Variants in ACYP2 observed in about 807,000 individuals in gnomAD.
ACYP2 encodes acylphosphatase-2.
A neutral mutation model predicts 11.2 loss-of-function variants in ACYP2; 12 were observed. The ratio of observed to expected loss-of-function variants is 1.08; its 90% CI spans 0.69 to 1.74. The LOEUF is 1.74. Ranked by LOEUF, ACYP2 falls within the 40% of genes most tolerant of loss-of-function variation. The pLI is 0.00. For missense variants in ACYP2, 134 were observed against 101.9 expected (o/e 1.31, Z -1.35); for synonymous variants, 43 against 32.2 (o/e 1.33, Z -1.13).
At chr2:54,053,649 G>T (rs536063808) in intron 3 of ACYP2, among the ~76,000 whole-genome samples, 23 of 152,282 alleles carry the variant, frequency 1.5e-4, no homozygotes, top group African/African-American at 5.5e-4. Flanking sequence ...TGCAACTTAG[G>T]AACTCCTCTG....
At chr2:54,209,993 T>C (rs1052586516) in intron 6 of ACYP2, among the ~76,000 whole-genome samples, 9 of 151,906 alleles carry the variant, frequency 5.9e-5, no homozygotes, top group Admixed American at 3.9e-4. Context: ...ATACAAAAAT[T>C]AGCTGGGCAT....
intron 6 of ACYP2, among the ~76,000 whole-genome samples, chr2:54,244,496 G>A (rs920932304): frequency 6.6e-6 from 1 of 152,068 alleles, no homozygotes; most frequent in Non-Finnish European, 1.5e-5. Flanking sequence ...CAAAGTGCTG[G>A]GATTACAGTG....
chr2:53,983,651 C>A (rs1671874146), intron 2 of ACYP2, among the ~76,000 whole-genome samples: 1 of 152,094 alleles, frequency 6.6e-6, no homozygotes. Flanking sequence ...TCACGTAGTA[C>A]CTTGTAAATT....
At chr2:54,252,779 C>T (rs2104013374) in intron 6 of ACYP2, among the ~76,000 whole-genome samples, 1 of 152,226 alleles carries the variant, frequency 6.6e-6, no homozygotes, top group African/African-American at 2.4e-5. Flanking sequence ...TTGCGGGCAC[C>T]TGTAGTCCCA....
At chr2:54,095,746 C>T (rs1254870169) in intron 4 of ACYP2, among the ~76,000 whole-genome samples, 2 of 105,248 alleles carry the variant, frequency 1.9e-5, no homozygotes, top group South Asian at 3.6e-4. Flanking sequence ...CGGGCAGAGG[C>T]GCCCCTCACC....
intron 6 of ACYP2, among the ~76,000 whole-genome samples, chr2:54,163,969 G>A (rs1682842187): frequency 6.6e-6 from 1 of 152,220 alleles, no homozygotes; most frequent in Non-Finnish European, 1.5e-5. Flanking sequence ...TGACCTTGAG[G>A]AGATAACAGT....
chr2:54,087,208 G>A (rs902665228), intron 4 of ACYP2, among the ~76,000 whole-genome samples: 6 of 152,166 alleles, frequency 3.9e-5, no homozygotes, highest in Non-Finnish European at 7.3e-5. Flanking sequence ...TAATCCATGG[G>A]AAAGTTTGCA....
At chr2:54,039,234 T>C (rs1049117900) in intron 2 of ACYP2, among the ~76,000 whole-genome samples, 4 of 149,882 alleles carry the variant, frequency 2.7e-5, no homozygotes, top group African/African-American at 4.9e-5. Flanking sequence ...TTTTTTTTTT[T>C]TCCCCAGCCT....
chr2:54,276,652 CA>C (rs1268047008), intron 6 of ACYP2, among the ~76,000 whole-genome samples: 7 of 147,888 alleles, frequency 4.7e-5, no homozygotes, highest in African/African-American at 1.8e-4. Context: ...CACACACACA[CA>C]CACACACACC....
chr2:54,124,010 C>T (rs1206171119), intron 4 of ACYP2, among the ~76,000 whole-genome samples: 1 of 152,162 alleles, frequency 6.6e-6, no homozygotes, highest in Non-Finnish European at 1.5e-5. Context: ...CTAGCTGTGC[C>T]TGTCACAGTC....
intron 6 of ACYP2, among the ~76,000 whole-genome samples, chr2:54,216,830 C>T (rs1236313473): frequency 6.6e-6 from 1 of 152,238 alleles, no homozygotes; most frequent in Non-Finnish European, 1.5e-5. Flanking sequence ...AGCTACTGCA[C>T]TGAGGTCTAA....
At chr2:54,075,573 G>T (rs981721041) in intron 4 of ACYP2, among the ~76,000 whole-genome samples, 1 of 151,614 alleles carries the variant, frequency 6.6e-6, no homozygotes, top group Non-Finnish European at 1.5e-5. Flanking sequence ...AGCACTTTGG[G>T]AGGCCAAGGC....
At chr2:54,216,640 C>A (rs1386604859) in intron 6 of ACYP2, among the ~76,000 whole-genome samples, 1 of 151,820 alleles carries the variant, frequency 6.6e-6, no homozygotes, top group South Asian at 2.1e-4. Context: ...TGAGTTCAAG[C>A]GATTTTCATG....
chr2:54,182,698 G>A (rs1389907999), intron 6 of ACYP2, among the ~76,000 whole-genome samples: 2 of 152,170 alleles, frequency 1.3e-5, no homozygotes, highest in Non-Finnish European at 2.9e-5. Flanking sequence ...GGGCCTGGAG[G>A]GGTAAAGCAG....
intron 4 of ACYP2, among the ~76,000 whole-genome samples, chr2:54,077,976 T>C (rs1325125827): frequency 1.3e-5 from 2 of 151,708 alleles, no homozygotes; most frequent in Admixed American, 6.6e-5. Flanking sequence ...TTCTTTCTTT[T>C]TTTTTTTTTT....
intron 2 of ACYP2, among the ~76,000 whole-genome samples, chr2:54,027,665 C>G (rs1674360022): frequency 6.6e-6 from 1 of 152,042 alleles, no homozygotes; most frequent in Non-Finnish European, 1.5e-5. Flanking sequence ...CTGTTCTTCT[C>G]TACATCTTGG....
intron 2 of ACYP2, among the ~76,000 whole-genome samples, chr2:54,010,841 G>A (rs1034446549): frequency 3.2e-5 from 4 of 126,650 alleles, no homozygotes; most frequent in Non-Finnish European, 4.7e-5. Flanking sequence ...GCTAATTTTT[G>A]TATTTTCAGT....
chr2:54,076,129 T>C lies in ACYP2; in HGVS notation c.277+18769T>C, dbSNP rs186802167. ...ATTTCTTTGCATAATTACTGCTTAG[T>C]TTTTCATATGTAAAATATTAAATCT... On this transcript the variant is annotated intron_variant, in intron 4 of 6. Coordinates refer to ENST00000607452, the MANE Select transcript of ACYP2 (RefSeq NM_001320586.2). Among the ~76,000 whole-genome samples, 304 of 152,336 alleles carry C rather than the reference T, an allele frequency of 2.0e-3. 2 individuals carry two copies. Among genetic ancestry groups the C allele is most frequent in the Non-Finnish European group, 3.5e-3 (235 of 68,020 alleles).
At chr2:54,090,486 C>T (rs1214975974) in intron 4 of ACYP2, among the ~76,000 whole-genome samples, 1 of 152,124 alleles carries the variant, frequency 6.6e-6, no homozygotes. Flanking sequence ...CAAAAATTAG[C>T]TGGGCGGGGT....
Sources: allele counts gnomAD v4.1 joint callset (sites outside exome capture counted in the v4.1 genomes callset), GRCh38; gene constraint gnomAD v4.1.1; transcripts MANE v1.5; gene names NCBI Gene and HGNC (gene_info 2026-07-23, HGNC 2026-07-21).